The following ZNF567 variants were observed in gnomAD, a reference collection of about 807,000 sequenced individuals.
ZNF567 encodes zinc finger protein 567.
In ZNF567, 36 loss-of-function variants were observed where a neutral mutation model predicts 53.9. The observed-to-expected ratio is 0.67, with a 90% CI of 0.51 to 0.88. ZNF567 has a LOEUF of 0.88. Ranked by LOEUF, ZNF567 falls within the 40% of genes least tolerant of loss-of-function variation. The pLI, the probability that ZNF567 is intolerant of heterozygous loss-of-function variation, is 0.00. For synonymous variants in ZNF567, 224 were observed against 260.4 expected (o/e 0.86, Z 1.35); for missense variants, 619 against 764.7 (o/e 0.81, Z 2.25).
chr19:36,724,910 T>C (rs1376172878), downstream of ZNF567, among the ~76,000 whole-genome samples: 1 of 151,976 alleles, frequency 6.6e-6, no homozygotes, highest in African/African-American at 2.4e-5. Context: ...TTATTTTCCT[T>C]CAAAAAATTT....
downstream of ZNF567, among the ~76,000 whole-genome samples, chr19:36,725,773 T>G (rs2040333303): frequency 6.6e-6 from 1 of 152,148 alleles, no homozygotes; most frequent in African/African-American, 2.4e-5. Flanking sequence ...CTCAGCTTCC[T>G]GAGTAGCTGG....
intron 5 of ZNF567, 75 bp from the exon 6 acceptor site, chr19:36,718,873 A>T: frequency 8.0e-7 from 1 of 1,242,874 alleles, no homozygotes; most frequent in Non-Finnish European, 1.1e-6. Context: ...GCCATGTGCT[A>T]GACCCTAGTA....
At chr19:36,701,347 G>A (rs1219919522) in intron 3 of ZNF567, among the ~76,000 whole-genome samples, 1 of 151,614 alleles carries the variant, frequency 6.6e-6, no homozygotes, top group African/African-American at 2.4e-5. Flanking sequence ...TTCCAAGTAT[G>A]TGGTCAATTT....
intron 5 of ZNF567, among the ~76,000 whole-genome samples, chr19:36,713,145 A>C (rs560603977): frequency 6.6e-6 from 1 of 151,940 alleles, no homozygotes; most frequent in Non-Finnish European, 1.5e-5. Context: ...CCATCACTAC[A>C]AAAAGATAAA....
intron 3 of ZNF567, among the ~76,000 whole-genome samples, chr19:36,710,073 T>C (rs753629012): frequency 1.3e-5 from 2 of 152,194 alleles, no homozygotes; most frequent in Admixed American, 6.5e-5. Context: ...ATTATATCCA[T>C]GTTGGATTTT....
the ZNF567 span, among the ~76,000 whole-genome samples, chr19:36,679,287 C>A: frequency 6.6e-6 from 1 of 152,062 alleles, no homozygotes; most frequent in Non-Finnish European, 1.5e-5. Flanking sequence ...CTCCATCCCC[C>A]CCAAAAAAAC....
chr19:36,714,737 A>G (rs1278497990), intron 5 of ZNF567, among the ~76,000 whole-genome samples: 1 of 152,150 alleles, frequency 6.6e-6, no homozygotes, highest in Non-Finnish European at 1.5e-5. Context: ...CCTGCAATCA[A>G]TCCTTTGTTT....
chr19:36,713,603 C>T (rs945500424), intron 5 of ZNF567, among the ~76,000 whole-genome samples: 1 of 152,052 alleles, frequency 6.6e-6, no homozygotes, highest in Non-Finnish European at 1.5e-5. Flanking sequence ...GAGCCAAGAC[C>T]CTGTCTCAAA....
chr19:36,670,191 G>C, the ZNF567 span, among the ~76,000 whole-genome samples: 4 of 152,208 alleles, frequency 2.6e-5, no homozygotes, highest in Admixed American at 6.5e-5. Context: ...GCTCAGGTCT[G>C]TCTCACAATG....
chr19:36,712,335 A>C, intron 3 of ZNF567, 51 bp from the exon 4 acceptor site: 2 of 1,581,778 alleles, frequency 1.3e-6, no homozygotes, highest in African/African-American at 2.7e-5. Context: ...GGCATGAACC[A>C]CTGTACCTGG....
At chr19:36,690,729 T>C (rs534185964) in intron 2 of ZNF567, among the ~76,000 whole-genome samples, 2 of 152,318 alleles carry the variant, frequency 1.3e-5, no homozygotes, top group East Asian at 3.9e-4. Context: ...TTGTGGATGA[T>C]TGTTCATTAT....
In ZNF567 at chr19:36,721,245, A is replaced by C. The variant is rs2040292235; in HGVS notation, c.*577A>C. The C allele has an allele frequency of 6.6e-6, 1 of 152,104 alleles. No individual in the cohort carries two copies. Among genetic ancestry groups the C allele is most frequent in the Non-Finnish European group, 1.5e-5 (1 of 68,020 alleles). The allele number at this position is 152,104 out of a possible 1,614,324, so 9.4% of individuals were successfully genotyped here. Reference sequence around the variant, plus strand: ...TCATTTTGCATACTATTCCATTTTAAGAATATATTGCTGTTTATCCTATTG... The same window carrying C: ...TCATTTTGCATACTATTCCATTTTACGAATATATTGCTGTTTATCCTATTG... On this transcript the variant is annotated 3_prime_UTR_variant, in exon 6 of 6. Coordinates refer to ENST00000682579, the MANE Select transcript of ZNF567 (RefSeq NM_001322917.1).
intron 3 of ZNF567, among the ~76,000 whole-genome samples, chr19:36,698,169 G>C (rs567123231): frequency 6.6e-6 from 1 of 152,102 alleles, no homozygotes; most frequent in South Asian, 2.1e-4. Context: ...GTGAGAACAT[G>C]CGGTGTTTGA....
downstream of ZNF567, chr19:36,723,220 C>T (rs1293402681): frequency 1.4e-6 from 1 of 702,702 alleles, no homozygotes; most frequent in East Asian, 2.7e-5. Flanking sequence ...GATGTTTATC[C>T]TAGCGTCAAC....
At chr19:36,699,247 T>C (rs2039049665) in intron 3 of ZNF567, among the ~76,000 whole-genome samples, 1 of 152,176 alleles carries the variant, frequency 6.6e-6, no homozygotes, top group East Asian at 1.9e-4. Context: ...AGTGGCATTA[T>C]TTCTGAGGGC....
chr19:36,694,796 C>T lies in ZNF567; in HGVS notation c.-66-6C>T, dbSNP rs2038793940. ...GGCTTTTTTTGTCTCGGCTTTGCCT[C>T]CTTAGGAACTGCCTCTTTTCTAAAG... On this transcript the variant is annotated splice_polypyrimidine_tract_variant and splice_region_variant and intron_variant, in intron 2 of 5. Transcript: ENST00000682579. 6.9e-7 allele frequency: 1 copy of T among 1,456,530 alleles called. No homozygotes were observed. The highest frequency in any genetic ancestry group is 9.1e-7 in the Non-Finnish European group (1 of 1,100,446). 90.2% of individuals were successfully genotyped at this position (1,456,530 alleles called of 1,614,324 possible).
the ZNF567 span, among the ~76,000 whole-genome samples, chr19:36,667,538 C>CATTT: frequency 4.6e-5 from 7 of 151,574 alleles, no homozygotes; most frequent in South Asian, 2.1e-4. Context: ...TATTTGACTC[C>CATTT]ATTTATTTAT....
the ZNF567 span, among the ~76,000 whole-genome samples, chr19:36,674,410 A>T: frequency 6.6e-6 from 1 of 152,260 alleles, no homozygotes; most frequent in South Asian, 2.1e-4. Flanking sequence ...CCAAGAATTC[A>T]TAGGAGCTCT....
At chr19:36,687,537 G>C (rs1288796011), upstream of ZNF567, 3 of 152,308 alleles carry the variant, frequency 2.0e-5, no homozygotes, top group African/African-American at 2.4e-5. Context: ...GAGAAGGCGC[G>C]CGTAGCCGGT....
Sources: gnomAD v4.1 joint callset for allele counts (sites outside exome capture counted in the v4.1 genomes callset) on GRCh38, gnomAD v4.1.1 for gene constraint, MANE v1.5 for transcripts, NCBI Gene and HGNC (gene_info 2026-07-23, HGNC 2026-07-21) for gene names.